SLC13A5: variants seen among roughly 807,000 people sequenced by gnomAD.
SLC13A5 encodes solute carrier family 13 member 5.
A neutral mutation model predicts 56.5 loss-of-function variants in SLC13A5; 25 were observed. That is an observed-to-expected ratio of 0.44 (90% CI 0.32 to 0.62). The LOEUF is 0.62. Ranked by LOEUF, SLC13A5 falls within the 20% of genes least tolerant of loss-of-function variation. SLC13A5 has a pLI of 0.04. For synonymous variants in SLC13A5, 307 were observed against 301.5 expected (o/e 1.02, Z -0.19); for missense variants, 649 against 737.8 (o/e 0.88, Z 1.39).
intron 1 of SLC13A5, 140 bp from the exon 2 acceptor site, chr17:6,707,296 CCAGCCCTGGT>C: frequency 8.4e-7 from 1 of 1,187,330 alleles, no homozygotes; most frequent in Admixed American, 2.4e-5. Flanking sequence ...ATCTTGTTCC[CCAGCCCTGGT>C]CAGCACAGCT....
In SLC13A5 at chr17:6,687,828, T is replaced by A; in HGVS notation, c.1438-162A>T. On this transcript the variant is annotated intron_variant, in intron 10 of 11. Coordinates refer to ENST00000433363, the MANE Select transcript of SLC13A5 (RefSeq NM_177550.5). The surrounding 1 kb of genome is among the most constrained non-coding windows in gnomAD (Gnocchi z 5.0). ...CACGTCTCTGGCAGATAATTCCACC[T>A]ACGGAACACTGAAGGCTGAGGTCAG... The A allele has an allele frequency of 1.1e-6, 1 of 871,056 alleles. No individual in the cohort carries two copies. The allele number at this position is 871,056 out of a possible 1,614,324, so 54.0% of individuals were successfully genotyped here.
chr17:6,686,454 G>T, intron 11 of SLC13A5, 116 bp from the exon 12 acceptor site: 1 of 1,388,402 alleles, frequency 7.2e-7, no homozygotes, highest in Non-Finnish European at 9.9e-7. Context: ...CTCTGTCCCT[G>T]GCTGGGGTGT....
Position 6,687,749 on chromosome 17 carries a change from G to A in SLC13A5, c.1438-83C>T. On this transcript the variant is annotated intron_variant, in intron 10 of 11. Coordinates refer to ENST00000433363, the MANE Select transcript of SLC13A5 (RefSeq NM_177550.5). This position sits in a 1 kb window ranked among gnomAD's most constrained non-coding sequence, Gnocchi z 5.0. ...TGATTCTGAAAAGGATTCTCTGAAT[G>A]TGCCGGGTACGTTTGAACCTCTGTG... is the stretch of plus-strand genomic sequence containing the variant. 6 of 1,461,504 alleles carry A rather than the reference G, an allele frequency of 4.1e-6. No individual in the cohort carries two copies. The highest frequency in any genetic ancestry group is 2.9e-5 in the African/African-American group (2 of 68,932). 90.5% of individuals were successfully genotyped at this position (1,461,504 alleles called of 1,614,324 possible).
chr17:6,706,592 C>T (rs1302338897), intron 3 of SLC13A5, 50 bp downstream of exon 3: 2 of 1,597,536 alleles, frequency 1.3e-6, no homozygotes, highest in East Asian at 4.5e-5. Context: ...CCCCTTCCAG[C>T]CCTGGGGCTC....
intron 6 of SLC13A5, among the ~76,000 whole-genome samples, chr17:6,698,897 G>A (rs1430152873): frequency 6.6e-6 from 1 of 151,688 alleles, no homozygotes; most frequent in Non-Finnish European, 1.5e-5. Flanking sequence ...AAATTAGCCA[G>A]GCATGGTGGT....
At chr17:6,690,661 G>C (rs938792484) in intron 10 of SLC13A5, 118 bp downstream of exon 10, 2 of 1,394,600 alleles carry the variant, frequency 1.4e-6, no homozygotes, top group Non-Finnish European at 2.0e-6. Context: ...AGTCAGACCT[G>C]GGTCTCCAAA....
Position 6,713,338 on chromosome 17 carries a change from C to G in SLC13A5, c.-5G>C, listed in dbSNP as rs201070767. ...ATAGCTCAGCGCCGAGGCCATCGCG[C>G]GGGAGGGAGACTGGCGGGCGAGACG... On this transcript the variant is annotated 5_prime_UTR_variant, in exon 1 of 12. Transcript: ENST00000433363. The surrounding 1 kb of genome is among the most constrained non-coding windows in gnomAD (Gnocchi z 7.3). 1,237 of 1,613,340 alleles carry G rather than the reference C, an allele frequency of 7.7e-4. 20 individuals are homozygous for G. In the East Asian group the frequency reaches 0.02, roughly 26 times the overall value.
intron 3 of SLC13A5, 66 bp from the exon 4 acceptor site, chr17:6,704,122 C>G (rs1382337851): frequency 3.3e-6 from 5 of 1,529,380 alleles, no homozygotes; most frequent in East Asian, 2.4e-5. Context: ...CCCTGGGAAG[C>G]AACTGGGGAC....
chr17:6,686,081 T>G lies in SLC13A5; in HGVS notation c.*126A>C. 1 of 1,380,898 alleles carries G rather than the reference T, an allele frequency of 7.2e-7. No individual in the cohort carries two copies. Among genetic ancestry groups the G allele is most frequent in the Non-Finnish European group, 9.9e-7 (1 of 1,006,982 alleles). The allele number at this position is 1,380,898 out of a possible 1,614,324, so 85.5% of individuals were successfully genotyped here. On this transcript the variant is annotated 3_prime_UTR_variant, in exon 12 of 12. Transcript: ENST00000433363. ...GAAGAGGTGGCCCATTGGCTGGGTT[T>G]TGGTGGTGTGTGGACATCGTTGGGT... is the stretch of plus-strand genomic sequence containing the variant.
chr17:6,704,136 G>T, intron 3 of SLC13A5, 80 bp from the exon 4 acceptor site: 1 of 1,472,874 alleles, frequency 6.8e-7, no homozygotes, highest in African/African-American at 1.4e-5. Flanking sequence ...TGGGGACTGG[G>T]TCCACCCCTG....
chr17:6,695,335 C>A, intron 7 of SLC13A5: 1 of 174,760 alleles, frequency 5.7e-6, no homozygotes, highest in Non-Finnish European at 1.2e-5. Context: ...TTCCTCTTGC[C>A]ACCTGTAGCC....
intron 6 of SLC13A5, among the ~76,000 whole-genome samples, chr17:6,699,547 T>C (rs1318793975): frequency 6.6e-6 from 1 of 152,230 alleles, no homozygotes; most frequent in Non-Finnish European, 1.5e-5. Context: ...CTTGGCTTAC[T>C]GCAACCTCTA....
At chr17:6,699,365 G>A (rs1597666854) in intron 6 of SLC13A5, among the ~76,000 whole-genome samples, 1 of 152,140 alleles carries the variant, frequency 6.6e-6, no homozygotes, top group Non-Finnish European at 1.5e-5. Flanking sequence ...CATGCAAACA[G>A]TTTCCCCTGC....
In SLC13A5 at chr17:6,713,118, G is replaced by C; in HGVS notation, c.102+114C>G. 1.9e-6 allele frequency: 2 copies of C among 1,060,382 alleles called. No individual in the cohort carries two copies. The highest frequency in any genetic ancestry group is 4.2e-5 in the Admixed American group (2 of 47,818). The allele number at this position is 1,060,382 out of a possible 1,614,324, so 65.7% of individuals were successfully genotyped here. ...GCTCCTGAGTGCGCGCGCCCCGGGA[G>C]AGCTGTGCTCCCCGCGAAATCCGTG... On this transcript the variant is annotated intron_variant, in intron 1 of 11. Transcript: ENST00000433363. This position sits in a 1 kb window ranked among gnomAD's most constrained non-coding sequence, Gnocchi z 7.3.
Position 6,713,235 on chromosome 17 carries a change from G to C in SLC13A5, c.99C>G (p.Ala33=). The C allele has an allele frequency of 6.2e-7, 1 of 1,613,846 alleles. No individual in the cohort carries two copies. Among genetic ancestry groups the C allele is most frequent in the Non-Finnish European group, 8.5e-7 (1 of 1,179,872 alleles). ...GCTGCCTGGAGATGCAACTGACCTT[G>C]GCGGGCATCAGAATGACGAGTGGCA... The part of the protein sequence containing the change: ...LLLPLVILMP[A]KFVRCAYVII... The change falls in exon 1 of 12, where the codon GCC becomes GCG. Residue 33 remains alanine (A), a synonymous_variant. Coordinates refer to ENST00000433363, the MANE Select transcript of SLC13A5 (RefSeq NM_177550.5). This position sits in a 1 kb window ranked among gnomAD's most constrained non-coding sequence, Gnocchi z 7.3.
In SLC13A5 at chr17:6,694,105, G is replaced by C; in HGVS notation, c.1148C>G (p.Thr383Ser). 6.2e-7 allele frequency: 1 copy of C among 1,612,046 alleles called. No individual in the cohort carries two copies. The change falls in exon 8 of 12, where the codon ACT (threonine) becomes AGT (serine). Residue 383 changes from threonine to serine, a missense_variant. Transcript: ENST00000433363. ...CAGAACAGGAGACTTACCTTCCTCAGTCTGGCTGCGGAAGTTAAACTTGGG... is the reference window on the plus strand; with the variant it reads ...CAGAACAGGAGACTTACCTTCCTCACTCTGGCTGCGGAAGTTAAACTTGGG... ...QKPKFNFRSQ[T>S]EEERKTPFYP...
In SLC13A5 at chr17:6,692,811, G is replaced by T. The variant is rs1326587986; in HGVS notation, c.1275+233C>A. ...CCTCTGCCTCTCTTGGCTAACCACG[G>T]TCACTCATTCACTCATTCCTGCAAT... is the stretch of plus-strand genomic sequence containing the variant. On this transcript the variant is annotated intron_variant, in intron 9 of 11. Transcript: ENST00000433363. The surrounding 1 kb of genome is among the most constrained non-coding windows in gnomAD (Gnocchi z 5.5). The T allele has an allele frequency of 1.3e-5, 7 of 548,582 alleles. No individual in the cohort carries two copies. The highest frequency in any genetic ancestry group is 2.3e-5 in the Non-Finnish European group (7 of 307,440). 34.0% of individuals were successfully genotyped at this position (548,582 alleles called of 1,614,324 possible). A position where few individuals can be genotyped will look rare whatever the true frequency, so the allele number is the denominator to read the frequency against.
chr17:6,692,893 T>A lies in SLC13A5; in HGVS notation c.1275+151A>T, dbSNP rs115733013. On this transcript the variant is annotated intron_variant, in intron 9 of 11. Coordinates refer to ENST00000433363, the MANE Select transcript of SLC13A5 (RefSeq NM_177550.5). This position sits in a 1 kb window ranked among gnomAD's most constrained non-coding sequence, Gnocchi z 5.5. ...CTGTGTGTGGTGTAGAGTTCCTAGA[T>A]GACAAGACAGAGTCCATGTCCTCAA... 2,648 of 660,094 alleles carry A rather than the reference T, an allele frequency of 4.0e-3. 57 individuals carry two copies. The African/African-American group carries it at 0.042, about 10-fold the overall frequency. The allele number at this position is 660,094 out of a possible 1,614,324, so 40.9% of individuals were successfully genotyped here. A position where few individuals can be genotyped will look rare whatever the true frequency, so the allele number is the denominator to read the frequency against.
At chr17:6,696,585 T>G (rs1473306174) in intron 6 of SLC13A5, among the ~76,000 whole-genome samples, 3 of 151,878 alleles carry the variant, frequency 2.0e-5, no homozygotes. Context: ...CTGCAGGGCC[T>G]CCCCTAAGGT....
Sources: gnomAD v4.1 joint callset for allele counts (sites outside exome capture counted in the v4.1 genomes callset) on GRCh38, gnomAD v4.1.1 for gene constraint, Gnocchi (gnomAD v3.1) non-coding constraint, MANE v1.5 for transcripts, NCBI Gene and HGNC (gene_info 2026-07-23, HGNC 2026-07-21) for gene names.